The following SENP7 variants were observed in gnomAD, a reference collection of about 807,000 sequenced individuals.
SENP7 encodes SUMO specific peptidase 7.
In SENP7, 64 loss-of-function variants were observed where a neutral mutation model predicts 141.2. That is an observed-to-expected ratio of 0.45 (90% CI 0.37 to 0.56). SENP7 has a LOEUF of 0.56. SENP7 is among the 20% of genes least tolerant of loss of function. SENP7 has a pLI of 0.00. For missense variants in SENP7, 1,025 were observed against 1,212.2 expected, an observed-to-expected ratio of 0.85 and a Z score of 2.29; for synonymous variants, 382 against 426.4, an observed-to-expected ratio of 0.90 and a Z score of 1.28.
chr3:101,467,890 C>T (rs1242666236), intron 3 of SENP7, among the ~76,000 whole-genome samples: 2 of 152,136 alleles, frequency 1.3e-5, no homozygotes, highest in Non-Finnish European at 2.9e-5. Flanking sequence ...TTCAGAAGAT[C>T]AGTAATAACA....
At chr3:101,415,068 A>G (rs2061572568) in intron 5 of SENP7, among the ~76,000 whole-genome samples, 1 of 152,230 alleles carries the variant, frequency 6.6e-6, no homozygotes, top group Non-Finnish European at 1.5e-5. Context: ...ACCATTTTCC[A>G]TAAGCTGTGA....
rs1424282106 is a variant in SENP7 at position 101,417,467 on chromosome 3, G to A, written c.482+126C>T. The A allele has an allele frequency of 5.6e-6, 4 of 715,438 alleles. No homozygotes were observed. The Admixed American group carries it at 7.2e-5, about 13-fold the overall frequency. The allele number at this position is 715,438 out of a possible 1,614,324, so 44.3% of individuals were successfully genotyped here. Reference sequence around the variant, plus strand: ...ATAGGCAGCTTTAAGATTTGCTTTAGAGTGTGGTATGCCTATATATGCAAA... The same window carrying A: ...ATAGGCAGCTTTAAGATTTGCTTTAAAGTGTGGTATGCCTATATATGCAAA... On this transcript the variant is annotated intron_variant, in intron 5 of 23. Coordinates refer to ENST00000394095, the MANE Select transcript of SENP7 (RefSeq NM_020654.5).
chr3:101,438,245 T>G (rs185543766), intron 4 of SENP7, among the ~76,000 whole-genome samples: 8 of 152,352 alleles, frequency 5.3e-5, no homozygotes, highest in Non-Finnish European at 8.8e-5. Context: ...TGGAAAATTA[T>G]TCACCTTTCA....
Position 101,354,711 on chromosome 3 carries a change from G to A in SENP7, c.1624-3060C>T, listed in dbSNP as rs61256299. On this transcript the variant is annotated intron_variant, in intron 11 of 23. Transcript: ENST00000394095. ...ATAGTGCTGCAATTCACATGTATAT[G>A]TCTTTATGGTAGAATGACTTATATT... Among the ~76,000 whole-genome samples, 1,485 of 152,176 alleles carry A rather than the reference G, an allele frequency of 9.8e-3. 28 individuals carry two copies. The highest frequency in any genetic ancestry group is 0.034 in the African/African-American group (1,405 of 41,528).
intron 11 of SENP7, 60 bp from the exon 12 acceptor site, chr3:101,351,711 ATT>A: frequency 8.6e-7 from 1 of 1,162,566 alleles, no homozygotes; most frequent in Non-Finnish European, 1.1e-6. Context: ...TACTATTCAA[ATT>A]TTTTTTTTCA....
chr3:101,478,169 C>T (rs563718635), intron 3 of SENP7, among the ~76,000 whole-genome samples: 2 of 152,118 alleles, frequency 1.3e-5, no homozygotes, highest in Admixed American at 1.3e-4. Flanking sequence ...TACAACCTAT[C>T]GAGACTGAAC....
rs185187925 is a variant in SENP7, at chr3:101,446,771, T to C, written c.284+12184A>G. ...AAACTATGGACAATCAAAAGCAGTG[T>C]TGAGAGAGAAATGCACAGCAATAAA... is the stretch of plus-strand genomic sequence containing the variant. On this transcript the variant is annotated intron_variant, in intron 4 of 23. Transcript: ENST00000394095. Among the ~76,000 whole-genome samples, 13 of 151,546 alleles carry C rather than the reference T, an allele frequency of 8.6e-5. No homozygotes were observed. In the South Asian group the frequency reaches 2.1e-3, roughly 25 times the overall value.
At position 101,488,168 on chromosome 3, in the gene SENP7, T is replaced by C. The variant is rs538560122; in HGVS notation, c.186+5705A>G. On this transcript the variant is annotated intron_variant, in intron 3 of 23. Transcript: ENST00000394095. ...GTCTTGTGGTTCTTCTTGTAGACTCTTTCACCTTCTTAGTCAACTGTACTC... is the reference window on the plus strand; with the variant it reads ...GTCTTGTGGTTCTTCTTGTAGACTCCTTCACCTTCTTAGTCAACTGTACTC... Among the ~76,000 whole-genome samples, 7 of 152,292 alleles carry C rather than the reference T, an allele frequency of 4.6e-5. No individual in the cohort carries two copies. In the South Asian group the frequency reaches 1.4e-3, roughly 32 times the overall value.
chr3:101,409,714 G>C (rs1323707953), intron 5 of SENP7, among the ~76,000 whole-genome samples: 1 of 152,176 alleles, frequency 6.6e-6, no homozygotes, highest in Admixed American at 6.5e-5. Flanking sequence ...AAATGGTGCT[G>C]GGATAATTGG....
At chr3:101,457,677 ACT>A in intron 4 of SENP7, 2 of 1,378,942 alleles carry the variant, frequency 1.5e-6, no homozygotes, top group Non-Finnish European at 2.1e-6. Flanking sequence ...ACCAATGCAC[ACT>A]TGTGCCTGCA....
chr3:101,402,426 C>T (rs1172926958), intron 5 of SENP7, among the ~76,000 whole-genome samples: 1 of 151,956 alleles, frequency 6.6e-6, no homozygotes, highest in Non-Finnish European at 1.5e-5. Context: ...GAGTTCGAGA[C>T]CAGCCTGGCC....
intron 5 of SENP7, among the ~76,000 whole-genome samples, chr3:101,415,202 G>C (rs1468717339): frequency 2.0e-5 from 3 of 152,216 alleles, no homozygotes; most frequent in Non-Finnish European, 4.4e-5. Context: ...AATTGGGAGG[G>C]AGACTAGTTT....
At chr3:101,413,699 G>C (rs979623737) in intron 5 of SENP7, among the ~76,000 whole-genome samples, 5 of 150,984 alleles carry the variant, frequency 3.3e-5, no homozygotes, top group Non-Finnish European at 7.4e-5. Flanking sequence ...GATTTGGAGG[G>C]TGGAATCAAG....
chr3:101,493,168 C>A (rs1004224193), intron 3 of SENP7, among the ~76,000 whole-genome samples: 25 of 152,292 alleles, frequency 1.6e-4, no homozygotes, highest in Admixed American at 1.6e-3. Context: ...CATGTTCTCA[C>A]TTATCAGTGA....
At chr3:101,409,786 C>G (rs952523300) in intron 5 of SENP7, among the ~76,000 whole-genome samples, 3 of 152,158 alleles carry the variant, frequency 2.0e-5, no homozygotes, top group Non-Finnish European at 4.4e-5. Flanking sequence ...AAAATCAACT[C>G]AAGATGGATT....
chr3:101,405,414 A>G (rs981397597), intron 5 of SENP7, among the ~76,000 whole-genome samples: 1 of 152,220 alleles, frequency 6.6e-6, no homozygotes, highest in Non-Finnish European at 1.5e-5. Context: ...ACCCCATGGG[A>G]CAAAGGAATC....
At chr3:101,513,212 GGAAAAAAAAAAAAA>G (rs2065942385), upstream of SENP7, 1,591 of 135,830 alleles carry the variant, frequency 0.012, 38 homozygotes, top group Non-Finnish European at 0.015. Context: ...GGAGGGGAAA[GGAAAAAAAAAAAAA>G]AAAAAAAAAA....
chr3:101,513,017 C>A, intron 1 of SENP7, 74 bp downstream of exon 1: 1 of 1,542,526 alleles, frequency 6.5e-7, no homozygotes, highest in Non-Finnish European at 8.9e-7. Context: ...GCCGCAACCC[C>A]AGCTGCCGCC....
chr3:101,372,125 C>T lies in SENP7; in HGVS notation c.679G>A (p.Gly227Ser), dbSNP rs1409963912. Residue 227 changes from glycine (G) to serine (S), a missense_variant and splice_region_variant, in exon 7 of 24, where the codon GGC becomes AGC. Physicochemically the swap from Gly to Ser is moderately conservative, Grantham distance 56. Transcript: ENST00000394095. ...TCTACTGTCTTACTTCGTTGTGAGC[C>T]CCTGCAAAAGAGAACTGTATTATAC... ...PHKSCYLSERGSQRSKTVDDN... is the reference protein window; with the variant it reads ...PHKSCYLSERSSQRSKTVDDN... 6.6e-7 allele frequency: 1 copy of T among 1,523,260 alleles called. No individual in the cohort carries two copies. The highest frequency in any genetic ancestry group is 2.3e-5 in the East Asian group (1 of 43,776). 94.4% of individuals were successfully genotyped at this position (1,523,260 alleles called of 1,614,324 possible). A position where few individuals can be genotyped will look rare whatever the true frequency, so the allele number is the denominator to read the frequency against.
Sources: gnomAD v4.1 joint callset for allele counts (sites outside exome capture counted in the v4.1 genomes callset) on GRCh38, gnomAD v4.1.1 for gene constraint, MANE v1.5 for transcripts, NCBI Gene and HGNC (gene_info 2026-07-23, HGNC 2026-07-21) for gene names.